The following SYNE2 variants were observed in gnomAD, a reference collection of about 807,000 sequenced individuals.
SYNE2 encodes spectrin repeat containing nuclear envelope protein 2.
Under a neutral mutation model 856.3 loss-of-function variants are expected in SYNE2, and 431 were observed. That is an observed-to-expected ratio of 0.50 (90% confidence interval 0.47 to 0.55). The LOEUF (loss-of-function observed/expected upper bound fraction) is 0.55, where lower values mean the gene tolerates loss of function less well. Ranked by LOEUF, SYNE2 falls within the 20% of genes least tolerant of loss-of-function variation. The pLI is 0.00. For missense variants in SYNE2, 8,129 were observed against 8,023.2 expected (o/e 1.01, Z -0.50); for synonymous variants, 2,923 against 2,872.3 (o/e 1.02, Z -0.56).
At chr14:63,970,038 T>A (rs1229532590) in intron 11 of SYNE2, among the ~76,000 whole-genome samples, 9 of 152,188 alleles carry the variant, frequency 5.9e-5, no homozygotes. Context: ...ATACTTAATC[T>A]TATACCAGTA....
chr14:63,927,715 A>G (rs1027450157), intron 2 of SYNE2, among the ~76,000 whole-genome samples: 13 of 151,978 alleles, frequency 8.6e-5, no homozygotes, highest in African/African-American at 3.1e-4. Context: ...AACATGGTGA[A>G]ACCCCGCCTC....
intron 11 of SYNE2, among the ~76,000 whole-genome samples, chr14:63,968,191 G>A (rs192116960): frequency 6.6e-6 from 1 of 152,256 alleles, no homozygotes; most frequent in Non-Finnish European, 1.5e-5. Context: ...TCAAAGGGCA[G>A]CTTTGTTTTT....
At position 64,152,549 on chromosome 14, in the gene SYNE2, C is replaced by G; in HGVS notation, c.15640-15C>G. The G allele has an allele frequency of 1.2e-6, 2 of 1,613,678 alleles. No homozygotes were observed. Among genetic ancestry groups the G allele is most frequent in the Non-Finnish European group, 8.5e-7 (1 of 1,179,836 alleles). Reference sequence around the variant, plus strand: ...AATATTGTGCATTGAAAACCTTTTCCTCTTACTCTTCCAGGATATAGAAAA... The same window carrying G: ...AATATTGTGCATTGAAAACCTTTTCGTCTTACTCTTCCAGGATATAGAAAA... On this transcript the variant is annotated splice_polypyrimidine_tract_variant and intron_variant, in intron 84 of 115. Coordinates refer to ENST00000555002, the MANE Select transcript of SYNE2 (RefSeq NM_182914.3).
In SYNE2 at chr14:64,212,922, G is replaced by A; in HGVS notation, c.18973G>A (p.Glu6325Lys). Reference protein sequence around the residue: ...EPLDAVLIEDELEELHRYCQE... With the variant: ...EPLDAVLIEDKLEELHRYCQE... ...CCTGGATGCTGTGCTGATTGAGGAT[G>A]AGCTGGAGGAACTCCACCGCTACTG... The change falls in exon 105 of 116, where the codon GAG becomes AAG. Residue 6325 changes from glutamate (E) to lysine (K), a missense_variant. Coordinates refer to ENST00000555002, the MANE Select transcript of SYNE2 (RefSeq NM_182914.3). 6.2e-7 allele frequency: 1 copy of A among 1,614,208 alleles called. No individual in the cohort carries two copies. Among genetic ancestry groups the A allele is most frequent in the Non-Finnish European group, 8.5e-7 (1 of 1,180,044 alleles).
At chr14:64,163,194 T>C (rs1237889720) in intron 88 of SYNE2, among the ~76,000 whole-genome samples, 1 of 152,216 alleles carries the variant, frequency 6.6e-6, no homozygotes, top group Non-Finnish European at 1.5e-5. Context: ...CTTTTAGTTT[T>C]GAACTGACAA....
intron 2 of SYNE2, among the ~76,000 whole-genome samples, chr14:63,917,335 C>T (rs915899920): frequency 2.6e-5 from 4 of 152,154 alleles, no homozygotes; most frequent in Non-Finnish European, 5.9e-5. Context: ...AAGCTATAGT[C>T]CCTCACTGGC....
In SYNE2 at chr14:64,052,569, G is replaced by T; in HGVS notation, c.8656G>T (p.Glu2886Ter). 1 of 1,614,132 alleles carries T rather than the reference G, an allele frequency of 6.2e-7. No homozygotes were observed. The highest frequency in any genetic ancestry group is 8.5e-7 in the Non-Finnish European group (1 of 1,180,040). Residue 2886 changes from glutamate to a stop codon, truncating the protein, a stop_gained, in exon 48 of 116, where the codon GAA (glutamate) becomes TAA (stop). Transcript: ENST00000555002. LOFTEE classifies it high-confidence loss of function. ...TLEASQKELQ[E>*]IDSGISTHLQ... Reference sequence around the variant, plus strand: ...GGAGGCATCTCAGAAGGAATTGCAAGAAATTGACAGTGGAATCTCAACACA... The same window carrying T: ...GGAGGCATCTCAGAAGGAATTGCAATAAATTGACAGTGGAATCTCAACACA...
chr14:63,843,007 A>C (rs2139934543), intron 1 of SYNE2, among the ~76,000 whole-genome samples: 1 of 151,822 alleles, frequency 6.6e-6, no homozygotes, highest in South Asian at 2.1e-4. Context: ...GATATGTATG[A>C]AGGGTATTGT....
intron 1 of SYNE2, among the ~76,000 whole-genome samples, chr14:63,842,237 T>C (rs894025589): frequency 6.6e-6 from 1 of 151,796 alleles, no homozygotes; most frequent in Admixed American, 6.6e-5. Context: ...AGTGGCACCA[T>C]ATCAGCTGGC....
chr14:64,100,470 C>T (rs1239646144), intron 63 of SYNE2: 2 of 134,006 alleles, frequency 1.5e-5, no homozygotes, highest in Admixed American at 8.4e-5. Flanking sequence ...GAGCCGAGAT[C>T]ACGCTGTTGC....
Position 63,913,816 on chromosome 14 carries a change from A to C in SYNE2, c.79+4589A>C, listed in dbSNP as rs113207749. ...TATGGAAATTCAGGCTATTAAAATG[A>C]TAATAAATGGCTGTTTAAAATTTTT... On this transcript the variant is annotated intron_variant, in intron 2 of 115. Coordinates refer to ENST00000555002, the MANE Select transcript of SYNE2 (RefSeq NM_182914.3). Among the ~76,000 whole-genome samples, 67 of 38,008 alleles carry C rather than the reference A, an allele frequency of 1.8e-3. 1 individual carries two copies. Among genetic ancestry groups the C allele is most frequent in the African/African-American group, 5.3e-3 (63 of 11,802 alleles). The allele number at this position is 38,008 out of a possible 152,430, so 24.9% of individuals were successfully genotyped here. A position where few individuals can be genotyped will look rare whatever the true frequency, so the allele number is the denominator to read the frequency against.
rs146259085 is a variant in SYNE2 at position 64,123,772 on chromosome 14, A to G, written c.13423-1307A>G. On this transcript the variant is annotated intron_variant, in intron 70 of 115. Coordinates refer to ENST00000555002, the MANE Select transcript of SYNE2 (RefSeq NM_182914.3). ...ATCCCTTAGAAGAGACTTGAATTCT[A>G]TTCTAATAGTTGGCTGTGTCAAAAG... Among the ~76,000 whole-genome samples the G allele has an allele frequency of 5.2e-3, 797 of 152,254 alleles. 9 individuals are homozygous for G. Among genetic ancestry groups the G allele is most frequent in the African/African-American group, 0.018 (763 of 41,564 alleles).
At chr14:63,953,531 T>TAG (rs71123822) in intron 7 of SYNE2, among the ~76,000 whole-genome samples, 72 of 148,878 alleles carry the variant, frequency 4.8e-4, no homozygotes, top group African/African-American at 1.6e-3. Flanking sequence ...AATAGATAGA[T>TAG]AGAGAGAGAG....
intron 2 of SYNE2, among the ~76,000 whole-genome samples, chr14:63,921,744 G>A (rs1471958041): frequency 1.3e-5 from 2 of 152,198 alleles, no homozygotes; most frequent in Non-Finnish European, 2.9e-5. Flanking sequence ...GGGCAGCCCA[G>A]TTTATAGTGG....
At chr14:63,891,700 T>C (rs533696108) in intron 1 of SYNE2, among the ~76,000 whole-genome samples, 1 of 152,232 alleles carries the variant, frequency 6.6e-6, no homozygotes, top group African/African-American at 2.4e-5. Flanking sequence ...TTCGGGGCTG[T>C]AGTGAGACTT....
rs536291412 is a variant in SYNE2, at chr14:64,211,327, G to C, written c.18724-634G>C. Reference sequence around the variant, plus strand: ...ATCTGGCTGTGGCTAATCTGCCTTCGTTTGGCACTGAAGCTATACTGATCT... The same window carrying C: ...ATCTGGCTGTGGCTAATCTGCCTTCCTTTGGCACTGAAGCTATACTGATCT... On this transcript the variant is annotated intron_variant, in intron 103 of 115. Transcript: ENST00000555002. Among the ~76,000 whole-genome samples, 10 of 152,300 alleles carry C rather than the reference G, an allele frequency of 6.6e-5. No homozygotes were observed. The South Asian group carries it at 1.0e-3, about 16-fold the overall frequency.
chr14:63,999,630 G>T (rs56072809), intron 27 of SYNE2, among the ~76,000 whole-genome samples: 1 of 152,182 alleles, frequency 6.6e-6, no homozygotes, highest in African/African-American at 2.4e-5. Flanking sequence ...CAATCTATTA[G>T]TGGTTGGCAC....
intron 1 of SYNE2, among the ~76,000 whole-genome samples, chr14:63,770,789 C>G (rs2139704279): frequency 6.6e-6 from 1 of 152,058 alleles, no homozygotes; most frequent in East Asian, 1.9e-4. Context: ...GATCCCATAT[C>G]CACTGTGTGA....
chr14:64,209,318 G>A, intron 101 of SYNE2, 110 bp from the exon 102 acceptor site: 1 of 1,557,276 alleles, frequency 6.4e-7, no homozygotes, highest in Admixed American at 1.8e-5. Flanking sequence ...TTCCCAGAAG[G>A]GGTAACAGGG....
Sources: gnomAD v4.1 joint callset for allele counts (sites outside exome capture counted in the v4.1 genomes callset) on GRCh38, gnomAD v4.1.1 for gene constraint, MANE v1.5 for transcripts, NCBI Gene and HGNC (gene_info 2026-07-23, HGNC 2026-07-21) for gene names.